The following ARHGAP42 variants were observed in gnomAD, a reference collection of about 807,000 sequenced individuals.
ARHGAP42 encodes Rho GTPase activating protein 42, also known as rho GTPase-activating protein 42.
In ARHGAP42, 63 loss-of-function variants were observed where a neutral mutation model predicts 125.0. The observed-to-expected ratio is 0.50, with a 90% confidence interval of 0.41 to 0.62. The LOEUF (loss-of-function observed/expected upper bound fraction) is 0.62, where lower values mean the gene tolerates loss of function less well. Ranked by LOEUF, ARHGAP42 falls within the 20% of genes least tolerant of loss-of-function variation. The probability of loss-of-function intolerance (pLI) is 0.00; values close to 1 mark genes in which losing one functional copy is unlikely to be tolerated. For synonymous variants in ARHGAP42, 339 were observed against 351.0 expected (o/e 0.97, Z 0.38); for missense variants, 766 against 1,024.2 (o/e 0.75, Z 3.44).
At chr11:100,805,812 C>G (rs932032854) in intron 3 of ARHGAP42, among the ~76,000 whole-genome samples, 2 of 152,034 alleles carry the variant, frequency 1.3e-5, no homozygotes, top group African/African-American at 4.8e-5. Context: ...TTTTAGCATG[C>G]TAATGCATTA....
rs771004146 is a variant in ARHGAP42, at chr11:100,965,679, G to A, written c.1453G>A (p.Asp485Asn). ...TCTTTTTTATGTAACAGAATCTGAT[G>A]ATCAAAACTACAGGGTGGAGGCTGT... The part of the protein sequence containing the change: ...KDFIIAVKSD[D>N]QNYRVEAVHA... Residue 485 changes from aspartate to asparagine, a missense_variant, in exon 17 of 24, where the codon GAT (aspartate) becomes AAT (asparagine). Asp to Asn is a conservative substitution (Grantham distance 23). Transcript: ENST00000298815. The A allele has an allele frequency of 3.2e-6, 5 of 1,550,236 alleles. No individual in the cohort carries two copies. In the South Asian group the frequency reaches 6.0e-5, roughly 18 times the overall value.
chr11:100,835,807 G>T (rs914051975), intron 3 of ARHGAP42, among the ~76,000 whole-genome samples: 2 of 151,600 alleles, frequency 1.3e-5, no homozygotes, highest in African/African-American at 4.8e-5. Flanking sequence ...ATTGGTAATT[G>T]TTCTTTCCAG....
chr11:100,872,926 G>A (rs959538402), intron 4 of ARHGAP42, among the ~76,000 whole-genome samples: 11 of 152,172 alleles, frequency 7.2e-5, no homozygotes, highest in African/African-American at 2.7e-4. Flanking sequence ...TGTAGCAGAA[G>A]AAACTCCAGA....
At chr11:100,908,150 G>A (rs11224511) in intron 4 of ARHGAP42, among the ~76,000 whole-genome samples, 13,861 of 152,152 alleles carry the variant, frequency 0.091, 902 homozygotes, top group Non-Finnish European at 0.13. Context: ...TCTAATTTAA[G>A]TATTTAAACA....
intron 3 of ARHGAP42, among the ~76,000 whole-genome samples, chr11:100,796,905 G>A (rs920682119): frequency 2.0e-5 from 3 of 151,878 alleles, no homozygotes; most frequent in Non-Finnish European, 2.9e-5. Flanking sequence ...GAGTAGCTGG[G>A]ATTGTAGGTG....
intron 19 of ARHGAP42, 49 bp from the exon 20 acceptor site, chr11:100,976,008 T>C: frequency 6.9e-7 from 1 of 1,458,566 alleles, no homozygotes; most frequent in Non-Finnish European, 9.1e-7. Context: ...GATGCTGTTA[T>C]CAATAGATAG....
At chr11:100,701,081 C>T (rs1053554967) in intron 1 of ARHGAP42, among the ~76,000 whole-genome samples, 2 of 151,800 alleles carry the variant, frequency 1.3e-5, no homozygotes, top group African/African-American at 2.4e-5. Context: ...TTTTATACAT[C>T]GCCATCATAG....
chr11:100,823,297 C>T (rs1336247195), intron 3 of ARHGAP42, among the ~76,000 whole-genome samples: 5 of 152,106 alleles, frequency 3.3e-5, no homozygotes, highest in Admixed American at 6.5e-5. Context: ...TGTGAAAGAT[C>T]GTGCCCTGGA....
Position 100,936,336 on chromosome 11 carries a change from A to C in ARHGAP42, c.832+4A>C, listed in dbSNP as rs1356966457. 1 of 1,551,334 alleles carries C rather than the reference A, an allele frequency of 6.4e-7. No homozygotes were observed. Among genetic ancestry groups the C allele is most frequent in the African/African-American group, 1.4e-5 (1 of 73,032 alleles). On this transcript the variant is annotated splice_donor_region_variant and intron_variant, in intron 8 of 23. Coordinates refer to ENST00000298815, the MANE Select transcript of ARHGAP42 (RefSeq NM_152432.4). ...TATCTGTATGTCCAGGAGAAACGTGAGTCACAAAGACATAATTTCACGTCT... is the reference window on the plus strand; with the variant it reads ...TATCTGTATGTCCAGGAGAAACGTGCGTCACAAAGACATAATTTCACGTCT...
At chr11:100,844,269 C>T (rs937066610) in intron 3 of ARHGAP42, among the ~76,000 whole-genome samples, 2 of 151,062 alleles carry the variant, frequency 1.3e-5, no homozygotes, top group African/African-American at 2.5e-5. Flanking sequence ...AAACTGGATC[C>T]TCATCTCTCA....
intron 1 of ARHGAP42, among the ~76,000 whole-genome samples, chr11:100,712,167 G>A (rs1861576146): frequency 6.6e-6 from 1 of 152,078 alleles, no homozygotes. Context: ...CCAGGTTGGG[G>A]GTAAGTACTA....
intron 3 of ARHGAP42, among the ~76,000 whole-genome samples, chr11:100,817,483 G>T (rs1010286252): frequency 2.5e-4 from 38 of 152,196 alleles, no homozygotes; most frequent in African/African-American, 8.4e-4. Flanking sequence ...GCCCAACCTT[G>T]TCTCTTTATG....
At position 100,867,225 on chromosome 11, in the gene ARHGAP42, C is replaced by T. The variant is rs74694082; in HGVS notation, c.384+7600C>T. ...AGCTGCATTAGCCCCTAACAAGAGA[C>T]TCAACCTGTCCTTTGACGCTTTGAA... On this transcript the variant is annotated intron_variant, in intron 4 of 23. Coordinates refer to ENST00000298815, the MANE Select transcript of ARHGAP42 (RefSeq NM_152432.4). Among the ~76,000 whole-genome samples, 941 of 152,338 alleles carry T rather than the reference C, an allele frequency of 6.2e-3. 19 individuals carry two copies. Among genetic ancestry groups the T allele is most frequent in the East Asian group, 0.045 (235 of 5,174 alleles).
chr11:100,898,931 G>T (rs1029362539), intron 4 of ARHGAP42, among the ~76,000 whole-genome samples: 6 of 152,106 alleles, frequency 3.9e-5, no homozygotes, highest in Non-Finnish European at 8.8e-5. Context: ...TAATTGTGAT[G>T]TTAGGGTGTC....
intron 11 of ARHGAP42, 71 bp from the exon 12 acceptor site, chr11:100,949,846 A>AT: frequency 9.7e-7 from 1 of 1,028,222 alleles, no homozygotes; most frequent in South Asian, 1.8e-5. Flanking sequence ...TAGTGTACAG[A>AT]TATCACCTTG....
At chr11:100,763,857 G>A (rs1434414834) in intron 1 of ARHGAP42, among the ~76,000 whole-genome samples, 2 of 152,122 alleles carry the variant, frequency 1.3e-5, no homozygotes. Flanking sequence ...ATTATTCCAT[G>A]TTCAGCATAG....
At chr11:100,791,646 C>G (rs1164854256) in intron 2 of ARHGAP42, among the ~76,000 whole-genome samples, 1 of 150,072 alleles carries the variant, frequency 6.7e-6, no homozygotes, top group Admixed American at 6.6e-5. Flanking sequence ...TTAAAGACAC[C>G]CAGTCGTAAT....
chr11:100,878,409 C>T (rs12296010), intron 4 of ARHGAP42, among the ~76,000 whole-genome samples: 4,325 of 152,148 alleles, frequency 0.028, 75 homozygotes, highest in African/African-American at 0.045. Flanking sequence ...ATTCTCCATG[C>T]GGTAGTAGGA....
intron 4 of ARHGAP42, among the ~76,000 whole-genome samples, chr11:100,896,342 C>T (rs1338781914): frequency 6.6e-6 from 1 of 152,116 alleles, no homozygotes; most frequent in Non-Finnish European, 1.5e-5. Flanking sequence ...ATTTATAATC[C>T]TTTGGGTATA....
Sources: allele counts gnomAD v4.1 joint callset (sites outside exome capture counted in the v4.1 genomes callset), GRCh38; gene constraint gnomAD v4.1.1; transcripts MANE v1.5; gene names NCBI Gene and HGNC (gene_info 2026-07-23, HGNC 2026-07-21).